The following COL28A1 variants were observed in gnomAD, a reference collection of about 807,000 sequenced individuals.
COL28A1 encodes the protein collagen alpha-1(XXVIII) chain.
In COL28A1, 161 loss-of-function variants were observed where a neutral mutation model predicts 150.2. That is an observed-to-expected ratio of 1.07 (90% CI 0.94 to 1.22). COL28A1 has a LOEUF of 1.22. Ranked by LOEUF, COL28A1 falls within the 50% of genes most tolerant of loss-of-function variation. COL28A1 has a pLI of 0.00. For synonymous variants in COL28A1, 552 were observed against 469.7 expected, an observed-to-expected ratio of 1.18 and a Z score of -2.26; for missense variants, 1,617 against 1,388.3, an observed-to-expected ratio of 1.16 and a Z score of -2.62.
At chr7:7,463,003 A>C (rs1042641972) in intron 15 of COL28A1, among the ~76,000 whole-genome samples, 1 of 152,062 alleles carries the variant, frequency 6.6e-6, no homozygotes, top group Non-Finnish European at 1.5e-5. Context: ...ATAAGAAAAT[A>C]TGAACAAAGC....
intron 11 of COL28A1, among the ~76,000 whole-genome samples, chr7:7,499,513 C>T (rs867971323): frequency 1.2e-4 from 19 of 152,120 alleles, no homozygotes; most frequent in African/African-American, 4.6e-4. Flanking sequence ...TTATTCTTTA[C>T]CAAGAAATGT....
intron 27 of COL28A1, among the ~76,000 whole-genome samples, chr7:7,385,433 G>C (rs1782126604): frequency 1.3e-5 from 2 of 152,204 alleles, no homozygotes; most frequent in Non-Finnish European, 2.9e-5. Context: ...CAGAGGAGCT[G>C]AGACTGTGGT....
At chr7:7,476,311 T>C (rs541674307) in intron 14 of COL28A1, among the ~76,000 whole-genome samples, 63 of 152,276 alleles carry the variant, frequency 4.1e-4, no homozygotes, top group African/African-American at 1.2e-3. Context: ...AAAACACTTT[T>C]TAACATGCCC....
intron 7 of COL28A1, 118 bp downstream of exon 7, chr7:7,517,678 G>T: frequency 3.5e-6 from 5 of 1,447,190 alleles, no homozygotes; most frequent in South Asian, 1.2e-5. Flanking sequence ...GAGCCATCAA[G>T]AGCACAAGGT....
chr7:7,386,549 G>C (rs930423046), intron 27 of COL28A1, among the ~76,000 whole-genome samples: 1 of 152,204 alleles, frequency 6.6e-6, no homozygotes, highest in African/African-American at 2.4e-5. Flanking sequence ...CCTGGTGGAG[G>C]TGCCACATGT....
chr7:7,465,361 C>T lies in COL28A1; in HGVS notation c.1302+9240G>A, dbSNP rs552822188. ...GGGGTGACGGACGCACCTGGAAAAT[C>T]GGGTCACTCCCACCCGAATATTGCG... On this transcript the variant is annotated intron_variant, in intron 15 of 34. Transcript: ENST00000399429. Among the ~76,000 whole-genome samples, 16 of 141,348 alleles carry T rather than the reference C, an allele frequency of 1.1e-4. No homozygotes were observed. In the East Asian group the frequency reaches 3.2e-3, roughly 29 times the overall value. 92.7% of individuals were successfully genotyped at this position (141,348 alleles called of 152,430 possible).
At chr7:7,427,650 A>G (rs370903054) in intron 25 of COL28A1, among the ~76,000 whole-genome samples, 1 of 152,244 alleles carries the variant, frequency 6.6e-6, no homozygotes, top group Non-Finnish European at 1.5e-5. Context: ...GGAATTCCAC[A>G]TAGACTTGCA....
chr7:7,530,692 C>CA (rs369034034), intron 3 of COL28A1, among the ~76,000 whole-genome samples: 3,224 of 151,646 alleles, frequency 0.021, 111 homozygotes, highest in African/African-American at 0.074. Context: ...GAGCAACAAA[C>CA]AAAGAAAAGC....
intron 13 of COL28A1, among the ~76,000 whole-genome samples, chr7:7,478,600 G>A (rs1033383575): frequency 3.3e-5 from 5 of 152,264 alleles, no homozygotes; most frequent in Admixed American, 3.3e-4. Context: ...CAGGGGCCGT[G>A]CTCCTTGGGG....
At chr7:7,450,292 T>G (rs768252063) in intron 18 of COL28A1, among the ~76,000 whole-genome samples, 7 of 152,268 alleles carry the variant, frequency 4.6e-5, no homozygotes, top group East Asian at 1.9e-4. Context: ...CCCTAAATTT[T>G]AAAAACAAAA....
At chr7:7,422,205 A>G (rs1273372238) in intron 25 of COL28A1, among the ~76,000 whole-genome samples, 2 of 152,162 alleles carry the variant, frequency 1.3e-5, no homozygotes, top group Non-Finnish European at 1.5e-5. Flanking sequence ...TCTTACCCAA[A>G]ATCATCGAAA....
intron 27 of COL28A1, chr7:7,417,531 A>G (rs1281200285): frequency 1.7e-4 from 16 of 92,164 alleles, no homozygotes; most frequent in African/African-American, 1.2e-3. Flanking sequence ...GGGGGGAGGG[A>G]GGGAGGGAGG....
At chr7:7,482,339 A>G (rs1248259114) in intron 13 of COL28A1, among the ~76,000 whole-genome samples, 1 of 152,172 alleles carries the variant, frequency 6.6e-6, no homozygotes, top group African/African-American at 2.4e-5. Flanking sequence ...AGCCTGGCCA[A>G]CATGGTGAAA....
At chr7:7,371,984 C>T (rs182911188) in intron 32 of COL28A1, among the ~76,000 whole-genome samples, 1 of 152,180 alleles carries the variant, frequency 6.6e-6, no homozygotes, top group East Asian at 2.0e-4. Context: ...AGGCACACGC[C>T]ACCATGCCCA....
intron 15 of COL28A1, among the ~76,000 whole-genome samples, chr7:7,456,834 A>G (rs1419362862): frequency 6.6e-6 from 1 of 152,252 alleles, no homozygotes; most frequent in Non-Finnish European, 1.5e-5. Context: ...GGTAGATAAA[A>G]TAACTAGTAT....
intron 18 of COL28A1, among the ~76,000 whole-genome samples, chr7:7,451,516 G>A (rs998502815): frequency 6.6e-5 from 10 of 152,074 alleles, no homozygotes; most frequent in Admixed American, 3.3e-4. Context: ...GAGCCACTAC[G>A]CCCAGCAGAA....
intron 1 of COL28A1, among the ~76,000 whole-genome samples, chr7:7,534,605 AT>A (rs1782544935): frequency 6.6e-6 from 1 of 152,170 alleles, no homozygotes; most frequent in Non-Finnish European, 1.5e-5. Context: ...ACTGAGCAAG[AT>A]TTTATAAGCA....
chr7:7,488,461 T>G (rs1166009763), intron 13 of COL28A1, among the ~76,000 whole-genome samples: 1 of 152,208 alleles, frequency 6.6e-6, no homozygotes, highest in Non-Finnish European at 1.5e-5. Flanking sequence ...CACAATCAGT[T>G]GTTTTTATTT....
At chr7:7,458,980 G>A (rs1399306839) in intron 15 of COL28A1, among the ~76,000 whole-genome samples, 2 of 152,118 alleles carry the variant, frequency 1.3e-5, no homozygotes, top group Non-Finnish European at 1.5e-5. Context: ...CCTTATCAGA[G>A]GCGTGTTTAT....
Sources: gnomAD v4.1 joint callset for allele counts (sites outside exome capture counted in the v4.1 genomes callset) on GRCh38, gnomAD v4.1.1 for gene constraint, MANE v1.5 for transcripts, NCBI Gene and HGNC (gene_info 2026-07-23, HGNC 2026-07-21) for gene names.